The following CASK variants were observed in gnomAD, a reference collection of about 807,000 sequenced individuals.
The protein encoded by CASK is calcium/calmodulin dependent serine protein kinase.
A neutral mutation model predicts 82.9 loss-of-function variants in CASK; 4 were observed. That is an observed-to-expected ratio of 0.05 (90% CI 0.02 to 0.11). The LOEUF (loss-of-function observed/expected upper bound fraction) is 0.11, where lower values mean the gene tolerates loss of function less well. Ranked by LOEUF, CASK falls within the 10% of genes least tolerant of loss-of-function variation. The probability of loss-of-function intolerance (pLI) is 1.00; values close to 1 mark genes in which losing one functional copy is unlikely to be tolerated. For missense variants in CASK, 358 were observed against 720.9 expected, an observed-to-expected ratio of 0.50 and a Z score of 5.76; for synonymous variants, 259 against 253.5, an observed-to-expected ratio of 1.02 and a Z score of -0.20.
intron 22 of CASK, among the ~76,000 whole-genome samples, chrX:41,535,517 T>C (rs1432367201): frequency 1.8e-5 from 2 of 109,736 alleles, no homozygotes; most frequent in South Asian, 7.8e-4. Context: ...GCATGCTAGA[T>C]TCTAAGGCAA....
intron 1 of CASK, among the ~76,000 whole-genome samples, chrX:41,881,447 T>C (rs1251440193): frequency 9.0e-6 from 1 of 111,374 alleles, no homozygotes; most frequent in African/African-American, 3.3e-5. Context: ...TTTTAAACAA[T>C]TGTTTGTAGA....
chrX:41,685,074 TAA>T (rs2067420192), intron 5 of CASK, among the ~76,000 whole-genome samples: 1 of 112,132 alleles, frequency 8.9e-6, no homozygotes, highest in Admixed American at 9.5e-5. Context: ...AACTTTTCTA[TAA>T]GTCTAAAATT....
Position 41,923,035 on chromosome X carries a change from G to C in CASK, c.-47C>G. The stretch of plus-strand genomic sequence containing the variant: ...GCAGCGTGGAGGGCTTCGAAAACGG[G>C]GGTGGGGGCGCCCAAGAGCTCAGTG... On this transcript the variant is annotated 5_prime_UTR_variant, in exon 1 of 27. Coordinates refer to ENST00000378163, the MANE Select transcript of CASK (RefSeq NM_001367721.1). 1 of 1,130,266 alleles carries C rather than the reference G, an allele frequency of 8.8e-7. No homozygotes were observed. The highest frequency in any genetic ancestry group is 1.2e-6 in the Non-Finnish European group (1 of 822,372). 93.1% of individuals were successfully genotyped at this position (1,130,266 alleles called of 1,213,427 possible). A position where few individuals can be genotyped will look rare whatever the true frequency, so the allele number is the denominator to read the frequency against.
chrX:41,570,010 CT>C (rs397937722), intron 15 of CASK, among the ~76,000 whole-genome samples: 1,814 of 70,499 alleles, frequency 0.026, 10 homozygotes, highest in Middle Eastern at 0.047. Context: ...TTTCTTTTTT[CT>C]TTTTTTTTTT....
At chrX:41,717,065 A>T (rs1354749975) in intron 5 of CASK, among the ~76,000 whole-genome samples, 2 of 109,899 alleles carry the variant, frequency 1.8e-5, no homozygotes, top group Non-Finnish European at 3.8e-5. Context: ...TCTTACCCCC[A>T]AAACTGCCCT....
At chrX:41,608,361 A>G (rs5918212) in intron 12 of CASK, among the ~76,000 whole-genome samples, 12,849 of 111,736 alleles carry the variant, frequency 0.11, 713 homozygotes, top group Middle Eastern at 0.18. Context: ...AATTTAACCA[A>G]TAAATTTAAG....
intron 3 of CASK, among the ~76,000 whole-genome samples, chrX:41,772,959 C>T (rs1278482880): frequency 8.9e-6 from 1 of 111,827 alleles, no homozygotes; most frequent in Non-Finnish European, 1.9e-5. Flanking sequence ...TGATATTGCG[C>T]CACTGCGCTC....
At chrX:41,788,495 A>G (rs1420611774) in intron 2 of CASK, among the ~76,000 whole-genome samples, 1 of 111,785 alleles carries the variant, frequency 8.9e-6, no homozygotes, top group East Asian at 2.8e-4. Flanking sequence ...AAGGCTAAGG[A>G]TGTACTGCAG....
At chrX:41,908,761 T>A (rs997394536) in intron 1 of CASK, among the ~76,000 whole-genome samples, 1 of 112,307 alleles carries the variant, frequency 8.9e-6, no homozygotes, top group Non-Finnish European at 1.9e-5. Flanking sequence ...TGATTTTAGC[T>A]GTTCACAGTT....
intron 22 of CASK, among the ~76,000 whole-genome samples, chrX:41,541,554 A>C (rs185687741): frequency 3.5e-5 from 4 of 112,692 alleles, no homozygotes; most frequent in African/African-American, 9.7e-5. Context: ...AACTAATGCG[A>C]AGGGAATGAT....
intron 5 of CASK, chrX:41,727,552 G>A (rs759012788): frequency 8.3e-7 from 1 of 1,206,797 alleles, no homozygotes; most frequent in East Asian, 3.0e-5. Context: ...ATACTACTCA[G>A]TCATAGAGGC....
At chrX:41,890,129 G>A (rs748470124) in intron 1 of CASK, among the ~76,000 whole-genome samples, 37 of 111,058 alleles carry the variant, frequency 3.3e-4, no homozygotes, top group Non-Finnish European at 6.6e-4. Context: ...TCTAAAGAGG[G>A]TTCATTGTAC....
chrX:41,815,148 ATT>A (rs2070388659), intron 2 of CASK, among the ~76,000 whole-genome samples: 1 of 111,738 alleles, frequency 8.9e-6, no homozygotes, highest in African/African-American at 3.3e-5. Context: ...TTTAATAATA[ATT>A]TGTCCTTGCA....
intron 9 of CASK, among the ~76,000 whole-genome samples, chrX:41,636,242 T>C (rs753801320): frequency 7.2e-5 from 8 of 111,729 alleles, no homozygotes; most frequent in Admixed American, 4.8e-4. Context: ...GAACTAAACA[T>C]ACATTTGTCA....
intron 1 of CASK, among the ~76,000 whole-genome samples, chrX:41,890,852 G>A (rs769964458): frequency 9.2e-6 from 1 of 108,665 alleles, no homozygotes; most frequent in African/African-American, 3.3e-5. Context: ...TCCTAAATGT[G>A]TACCTCTTTA....
chrX:41,641,174 C>T (rs1360839453), intron 8 of CASK, among the ~76,000 whole-genome samples: 4 of 109,486 alleles, frequency 3.7e-5, no homozygotes, highest in Non-Finnish European at 5.7e-5. Context: ...TTAGTAGAGA[C>T]GGAGTTTCAC....
chrX:41,560,789 G>A (rs903991422), intron 17 of CASK, among the ~76,000 whole-genome samples: 1 of 107,979 alleles, frequency 9.3e-6, no homozygotes, highest in Admixed American at 9.9e-5. Context: ...TACTTGGGAG[G>A]CTGAGGCAGG....
intron 11 of CASK, among the ~76,000 whole-genome samples, chrX:41,617,254 C>T (rs889961609): frequency 1.4e-4 from 16 of 112,019 alleles, no homozygotes; most frequent in South Asian, 7.5e-4. Flanking sequence ...TCCAACAGGT[C>T]TATTAAACCT....
intron 1 of CASK, among the ~76,000 whole-genome samples, chrX:41,907,648 G>C (rs2072491199): frequency 9.0e-6 from 1 of 111,652 alleles, no homozygotes; most frequent in South Asian, 3.7e-4. Flanking sequence ...TAACATCCTG[G>C]TGAAATACCC....
Sources: gnomAD v4.1 joint callset for allele counts (sites outside exome capture counted in the v4.1 genomes callset) on GRCh38, gnomAD v4.1.1 for gene constraint, MANE v1.5 for transcripts, NCBI Gene and HGNC (gene_info 2026-07-23, HGNC 2026-07-21) for gene names.